The following MEGF6 variants were observed in gnomAD, a reference collection of about 807,000 sequenced individuals.
MEGF6 encodes multiple epidermal growth factor-like domains protein 6.
In MEGF6, 184 loss-of-function variants were observed where a neutral mutation model predicts 207.1. The observed-to-expected ratio is 0.89, with a 90% confidence interval of 0.79 to 1.00. MEGF6 has a LOEUF of 1.00. Among genes scored for constraint, MEGF6 ranks in the 50% least tolerant of loss-of-function variants. The pLI is 0.00. For missense variants in MEGF6, 2,282 were observed against 2,202.9 expected, an observed-to-expected ratio of 1.04 and a Z score of -0.72; for synonymous variants, 1,038 against 910.0, an observed-to-expected ratio of 1.14 and a Z score of -2.53.
rs374126988 is a variant in MEGF6 at position 3,595,357 on chromosome 1, G to A, written c.357C>T (p.Asp119=). Reference sequence around the variant, plus strand: ...ACTCACCCGAGAGGCAGCCCTCCTCGTCGGGCTGCTGCATCCACCCTCGGC... The same window carrying A: ...ACTCACCCGAGAGGCAGCCCTCCTCATCGGGCTGCTGCATCCACCCTCGGC... ...RCCRGWMQQP[D]EEGCLSAECS... The change falls in exon 3 of 37, where the codon GAC becomes GAT. Residue 119 remains aspartate (D), a synonymous_variant. Transcript: ENST00000356575. 2.5e-5 allele frequency: 40 copies of A among 1,611,968 alleles called. No individual in the cohort carries two copies. Among genetic ancestry groups the A allele is most frequent in the South Asian group, 4.4e-5 (4 of 91,078 alleles).
At chr1:3,584,408 C>A (rs546452758) in intron 3 of MEGF6, among the ~76,000 whole-genome samples, 10 of 152,346 alleles carry the variant, frequency 6.6e-5, no homozygotes, top group African/African-American at 2.2e-4. Flanking sequence ...CTTGAACAAC[C>A]CAGCCATCCT....
intron 4 of MEGF6, among the ~76,000 whole-genome samples, chr1:3,546,117 A>G (rs1642695438): frequency 6.6e-6 from 1 of 152,220 alleles, no homozygotes; most frequent in African/African-American, 2.4e-5. Context: ...ATGCCAGGGC[A>G]GAGGCTGGAG....
chr1:3,568,531 C>T (rs568073149), intron 4 of MEGF6, among the ~76,000 whole-genome samples: 1 of 152,164 alleles, frequency 6.6e-6, no homozygotes, highest in South Asian at 2.1e-4. Flanking sequence ...GATGGGGGCC[C>T]ATCACCTGCA....
intron 4 of MEGF6, among the ~76,000 whole-genome samples, chr1:3,538,696 CTGTGTG>C (rs57325073): frequency 0.034 from 4,443 of 132,030 alleles, 114 homozygotes; most frequent in African/African-American, 0.072. Context: ...GAGCATGTGC[CTGTGTG>C]TGTGTGTGTG....
chr1:3,565,723 A>G lies in MEGF6; in HGVS notation c.481+14102T>C, dbSNP rs1156612486. Among the ~76,000 whole-genome samples the G allele has an allele frequency of 1.3e-5, 2 of 152,152 alleles. No homozygotes were observed. The highest frequency in any genetic ancestry group is 3.9e-4 in the East Asian group (2 of 5,184). On this transcript the variant is annotated intron_variant, in intron 4 of 36. Coordinates refer to ENST00000356575, the MANE Select transcript of MEGF6 (RefSeq NM_001409.4). This position sits in a 1 kb window ranked among gnomAD's most constrained non-coding sequence, Gnocchi z 4.8. ...CAGGGGCCTGTGTGTGCCAAAGCCCACTGCAGTTTCCCAGGAGGGCAGGGG... is the reference window on the plus strand; with the variant it reads ...CAGGGGCCTGTGTGTGCCAAAGCCCGCTGCAGTTTCCCAGGAGGGCAGGGG...
At chr1:3,499,479 G>A (rs907025014) in intron 23 of MEGF6, 109 bp downstream of exon 23, 81 of 1,483,272 alleles carry the variant, frequency 5.5e-5, no homozygotes, top group Admixed American at 1.2e-4. Context: ...TCTCAGGGGG[G>A]TTGCCTGGTA....
intron 4 of MEGF6, among the ~76,000 whole-genome samples, chr1:3,527,866 C>T (rs1402162431): frequency 6.6e-6 from 1 of 152,218 alleles, no homozygotes; most frequent in Admixed American, 6.5e-5. Context: ...CTCCAGCATC[C>T]CAGCCGGGTT....
chr1:3,559,995 A>G (rs1250101143), intron 4 of MEGF6, among the ~76,000 whole-genome samples: 1 of 147,284 alleles, frequency 6.8e-6, no homozygotes, highest in Admixed American at 7.0e-5. Context: ...GGGCAACAGT[A>G]TGAGAGTCCG....
chr1:3,506,826 G>T (rs1325342179), intron 14 of MEGF6, among the ~76,000 whole-genome samples: 1 of 152,208 alleles, frequency 6.6e-6, no homozygotes, highest in Admixed American at 6.5e-5. Flanking sequence ...AACAGTGCTT[G>T]CCATAGTAGC....
At chr1:3,509,351 C>T (rs868601132) in intron 11 of MEGF6, 106 bp from the exon 12 acceptor site, 4 of 995,070 alleles carry the variant, frequency 4.0e-6, no homozygotes, top group African/African-American at 1.7e-5. Flanking sequence ...GGAACCCCAC[C>T]ACCCTCCTAC....
At chr1:3,616,789 C>T in the MEGF6 span, among the ~76,000 whole-genome samples, 6 of 152,218 alleles carry the variant, frequency 3.9e-5, no homozygotes, top group South Asian at 2.1e-4. Flanking sequence ...TGGCCCCAAG[C>T]GTGGCGGGGG....
At chr1:3,522,183 G>A (rs781022282) in intron 5 of MEGF6, among the ~76,000 whole-genome samples, 4 of 152,186 alleles carry the variant, frequency 2.6e-5, no homozygotes, top group African/African-American at 7.2e-5. Flanking sequence ...GGTGCGCTCC[G>A]AGGTCACTGC....
rs545823720 is a variant in MEGF6, at chr1:3,603,448, G to C, written c.132-848C>G. 9.9e-5 allele frequency among the ~76,000 whole-genome samples: 15 copies of C among 152,256 alleles called. No homozygotes were observed. The East Asian group carries it at 2.7e-3, about 28-fold the overall frequency. ...GGCAAATTCGGGGGGAGAGGACAAGGCTCCAGTGCTCGTGTCCCACTACGT... is the reference window on the plus strand; with the variant it reads ...GGCAAATTCGGGGGGAGAGGACAAGCCTCCAGTGCTCGTGTCCCACTACGT... On this transcript the variant is annotated intron_variant, in intron 1 of 36. Transcript: ENST00000356575.
chr1:3,587,024 G>A (rs76932621), intron 3 of MEGF6, among the ~76,000 whole-genome samples: 2,000 of 152,326 alleles, frequency 0.013, 45 homozygotes, highest in African/African-American at 0.046. Context: ...CCCCCGTCCG[G>A]GGTTTCTGCA....
Position 3,579,798 on chromosome 1 carries a change from C to T in MEGF6, c.481+27G>A, listed in dbSNP as rs374351195. The stretch of plus-strand genomic sequence containing the variant: ...GCCCACAGGCTGGCCATGGCCAGGG[C>T]CTTGGTCCCCCAGGGGCTCCACTCA... On this transcript the variant is annotated intron_variant, in intron 4 of 36. Transcript: ENST00000356575. 1.1e-4 allele frequency: 155 copies of T among 1,433,530 alleles called. No individual in the cohort carries two copies. The African/African-American group carries it at 2.1e-3, about 19-fold the overall frequency. 88.8% of individuals were successfully genotyped at this position (1,433,530 alleles called of 1,614,324 possible).
Position 3,494,366 on chromosome 1 carries a change from C to T in MEGF6, c.4129+5G>A, listed in dbSNP as rs1240942098. Reference sequence around the variant, plus strand: ...CCAGCCCAGCTGCACAGGCCCCCAACTCACGGTGCTCGCAGGCCTGGCCAT... The same window carrying T: ...CCAGCCCAGCTGCACAGGCCCCCAATTCACGGTGCTCGCAGGCCTGGCCAT... On this transcript the variant is annotated splice_donor_5th_base_variant and intron_variant, in intron 32 of 36. Transcript: ENST00000356575. 3 of 1,539,836 alleles carry T rather than the reference C, an allele frequency of 1.9e-6. No individual in the cohort carries two copies. The highest frequency in any genetic ancestry group is 1.2e-5 in the South Asian group (1 of 83,976).
chr1:3,498,839 A>G lies in MEGF6; in HGVS notation c.3095-13T>C. ...CCGGCAGGGCAGGCTGGGGCCAGGG[A>G]AGAGGGAGCAACCTGCATCCCCCAG... On this transcript the variant is annotated splice_polypyrimidine_tract_variant and intron_variant, in intron 24 of 36. Coordinates refer to ENST00000356575, the MANE Select transcript of MEGF6 (RefSeq NM_001409.4). The G allele has an allele frequency of 6.5e-7, 1 of 1,548,032 alleles. No individual in the cohort carries two copies. The highest frequency in any genetic ancestry group is 8.7e-7 in the Non-Finnish European group (1 of 1,145,858).
chr1:3,597,012 T>C (rs1411672545), intron 2 of MEGF6, among the ~76,000 whole-genome samples: 3 of 152,246 alleles, frequency 2.0e-5, no homozygotes, highest in East Asian at 3.9e-4. Context: ...ACCCGCTCCA[T>C]GCCCCCTAAA....
chr1:3,534,879 C>T (rs1401503480), intron 4 of MEGF6, among the ~76,000 whole-genome samples: 3 of 152,136 alleles, frequency 2.0e-5, no homozygotes, highest in Non-Finnish European at 4.4e-5. Context: ...ACCACTCCAG[C>T]CCCTCCATTC....
Sources: gnomAD v4.1 joint callset for allele counts (sites outside exome capture counted in the v4.1 genomes callset) on GRCh38, gnomAD v4.1.1 for gene constraint, Gnocchi (gnomAD v3.1) non-coding constraint, MANE v1.5 for transcripts, NCBI Gene and HGNC (gene_info 2026-07-23, HGNC 2026-07-21) for gene names.